The following SMCR8 variants were observed in gnomAD, a reference collection of about 807,000 sequenced individuals.
The protein encoded by SMCR8 is guanine nucleotide exchange protein SMCR8.
Under a neutral mutation model 56.6 loss-of-function variants are expected in SMCR8, and 30 were observed. The ratio of observed to expected loss-of-function variants is 0.53; its 90% CI spans 0.40 to 0.72. The LOEUF is 0.72. Among genes scored for constraint, SMCR8 ranks in the 30% least tolerant of loss-of-function variants. The probability of loss-of-function intolerance (pLI) is 0.00; values close to 1 mark genes in which losing one functional copy is unlikely to be tolerated. For missense variants in SMCR8, 1,198 were observed against 1,157.0 expected (o/e 1.04, Z -0.51); for synonymous variants, 538 against 456.0 (o/e 1.18, Z -2.29).
In SMCR8 at chr17:18,317,891, G is replaced by C. The variant is rs1261736926; in HGVS notation, c.2102G>C (p.Arg701Thr). The C allele has an allele frequency of 6.2e-7, 1 of 1,614,166 alleles. No homozygotes were observed. The highest frequency in any genetic ancestry group is 8.5e-7 in the Non-Finnish European group (1 of 1,180,024). The change falls in exon 1 of 2, where the codon AGG (arginine) becomes ACG (threonine). Residue 701 changes from arginine to threonine, a missense_variant. By Grantham distance (71) the Arg-to-Thr change is moderately conservative. Transcript: ENST00000406438. Reference protein sequence around the residue: ...SAYPAGLSSDRHKKRAGQNAL... With the variant: ...SAYPAGLSSDTHKKRAGQNAL... ...TATCCTGCTGGCCTGTCTTCCGATA[G>C]GCATAAAAAGAGGGCTGGCCAGAAC... is the stretch of plus-strand genomic sequence containing the variant.
chr17:18,321,022 G>A (rs890602955), intron 1 of SMCR8, among the ~76,000 whole-genome samples: 1 of 152,214 alleles, frequency 6.6e-6, no homozygotes, highest in Non-Finnish European at 1.5e-5. Context: ...TGCAGGACAA[G>A]AGTTCTAGGT....
chr17:18,318,961 T>C (rs1013411350), intron 1 of SMCR8, among the ~76,000 whole-genome samples: 1 of 152,200 alleles, frequency 6.6e-6, no homozygotes, highest in Non-Finnish European at 1.5e-5. Context: ...GCCTCCAGCA[T>C]CCTACACAGG....
At position 18,322,965 on chromosome 17, in the gene SMCR8, G is replaced by A; in HGVS notation, c.2709G>A (p.Gln903=). ...GLVNEDVRVV[Q]YLAELLKLHY... ...TGAATGAGGATGTTAGGGTGGTCCAGTACCTGGCTGAGCTGCTGAAGCTGC... is the reference window on the plus strand; with the variant it reads ...TGAATGAGGATGTTAGGGTGGTCCAATACCTGGCTGAGCTGCTGAAGCTGC... Residue 903 remains glutamine, a synonymous_variant, in exon 2 of 2, where the codon CAG becomes CAA. Coordinates refer to ENST00000406438, the MANE Select transcript of SMCR8 (RefSeq NM_144775.3). 6.2e-7 allele frequency: 1 copy of A among 1,614,238 alleles called. No homozygotes were observed. The highest frequency in any genetic ancestry group is 1.7e-5 in the Admixed American group (1 of 60,032).
chr17:18,318,050 TC>T lies in SMCR8; in HGVS notation c.2265del (p.Ser756AlafsTer9), dbSNP rs1982385767. On this transcript the variant is annotated frameshift_variant, in exon 1 of 2. Coordinates refer to ENST00000406438, the MANE Select transcript of SMCR8 (RefSeq NM_144775.3). LOFTEE classifies it high-confidence loss of function. ...CTCGTGACTGCACTGGCTATCTTTG[TC>T]CCCAGCTATGGCTGCTACGCTAAGC... is the stretch of plus-strand genomic sequence containing the variant. ...RKLVTALAIF[V>X]PSYGCYAKPV... 1.2e-6 allele frequency: 2 copies of T among 1,614,254 alleles called. No individual in the cohort carries two copies. Among genetic ancestry groups the T allele is most frequent in the Non-Finnish European group, 1.7e-6 (2 of 1,180,054 alleles).
Position 18,323,064 on chromosome 17 carries a change from A to C in SMCR8, c.2808A>C (p.Lys936Asn). 1 of 1,612,156 alleles carries C rather than the reference A, an allele frequency of 6.2e-7. No homozygotes were observed. The highest frequency in any genetic ancestry group is 1.1e-5 in the South Asian group (1 of 90,958). ...ACTATGTCCCCAGCTTTTTGTATAA[A>C]ATCTGAGGTCGGTCCCAGACACTGT... Reference protein sequence around the residue: ...RFDYVPSFLYKI With the variant: ...RFDYVPSFLYNI Residue 936 changes from lysine (K) to asparagine (N), a missense_variant, in exon 2 of 2, where the codon AAA (lysine) becomes AAC (asparagine). Lys to Asn is a moderately conservative substitution (Grantham distance 94). Transcript: ENST00000406438.
At chr17:18,320,863 C>T (rs373375240) in intron 1 of SMCR8, among the ~76,000 whole-genome samples, 12 of 152,328 alleles carry the variant, frequency 7.9e-5, no homozygotes, top group African/African-American at 2.9e-4. Flanking sequence ...CTAGAGCCCA[C>T]GCTGCTTCTG....
rs745729802 is a variant in SMCR8 at position 18,315,999 on chromosome 17, A to G, written c.210A>G (p.Gln70=). The G allele has an allele frequency of 5.6e-6, 9 of 1,613,884 alleles. No homozygotes were observed. The highest frequency in any genetic ancestry group is 2.2e-5 in the South Asian group (2 of 91,082). The part of the protein sequence containing the change: ...ISEFSEQVGP[Q]PLLTIPNDTK... ...AGTTCTCTGAGCAGGTGGGACCCCA[A>G]CCCTTACTGACCATCCCCAATGACA... Residue 70 remains glutamine, a synonymous_variant, in exon 1 of 2, where the codon CAA becomes CAG. Coordinates refer to ENST00000406438, the MANE Select transcript of SMCR8 (RefSeq NM_144775.3).
At chr17:18,321,156 G>C (rs1459683912) in intron 1 of SMCR8, among the ~76,000 whole-genome samples, 1 of 152,190 alleles carries the variant, frequency 6.6e-6, no homozygotes, top group East Asian at 1.9e-4. Context: ...GAGTACCTTG[G>C]TCCCAAGTCA....
intron 1 of SMCR8, among the ~76,000 whole-genome samples, chr17:18,321,183 C>A (rs1490327742): frequency 6.6e-6 from 1 of 152,228 alleles, no homozygotes; most frequent in Non-Finnish European, 1.5e-5. Context: ...GTCCTTCTTA[C>A]ACCATACCTG....
Position 18,323,112 on chromosome 17 carries a change from T to C in SMCR8, c.*42T>C. 6.4e-7 allele frequency: 1 copy of C among 1,556,022 alleles called. No homozygotes were observed. The highest frequency in any genetic ancestry group is 8.8e-7 in the Non-Finnish European group (1 of 1,139,180). ...TGTGACCAAGACCTGTGACTCAGGG[T>C]ATGGGGAGGGGAGGGGTTGGCATGA... On this transcript the variant is annotated 3_prime_UTR_variant, in exon 2 of 2. Coordinates refer to ENST00000406438, the MANE Select transcript of SMCR8 (RefSeq NM_144775.3).
In SMCR8 at chr17:18,315,432, G is replaced by T; in HGVS notation, c.-358G>T. ...GCGGCGTCCCGTAGCCTCGCGTTAA[G>T]CCTTGTTCAGAGCGGGGGCTTTTGC... On this transcript the variant is annotated 5_prime_UTR_variant, in exon 1 of 2. Transcript: ENST00000406438. 1 of 202,966 alleles carries T rather than the reference G, an allele frequency of 4.9e-6. No individual in the cohort carries two copies. The highest frequency in any genetic ancestry group is 1.0e-5 in the Non-Finnish European group (1 of 98,712). The allele number at this position is 202,966 out of a possible 1,614,324, so 12.6% of individuals were successfully genotyped here. A position where few individuals can be genotyped will look rare whatever the true frequency, so the allele number is the denominator to read the frequency against.
intron 1 of SMCR8, among the ~76,000 whole-genome samples, chr17:18,321,061 G>C (rs907535142): frequency 5.3e-5 from 8 of 152,192 alleles, no homozygotes; most frequent in Non-Finnish European, 1.0e-4. Flanking sequence ...TAGCTCCCAG[G>C]TCAATGTTGG....
In SMCR8 at chr17:18,323,970, G is replaced by C. The variant is rs1471470040; in HGVS notation, c.*900G>C. 1.3e-5 allele frequency: 2 copies of C among 152,456 alleles called. No individual in the cohort carries two copies. Among genetic ancestry groups the C allele is most frequent in the Non-Finnish European group, 2.9e-5 (2 of 68,226 alleles). The allele number at this position is 152,456 out of a possible 1,614,324, so 9.4% of individuals were successfully genotyped here. On this transcript the variant is annotated 3_prime_UTR_variant, in exon 2 of 2. Transcript: ENST00000406438. ...CTGGGTGGCCCACTGGCTCCTGCCGGCCAGAGCGCATGAGCACTGACCTTC... is the reference window on the plus strand; with the variant it reads ...CTGGGTGGCCCACTGGCTCCTGCCGCCCAGAGCGCATGAGCACTGACCTTC...
In SMCR8 at chr17:18,316,553, C is replaced by T; in HGVS notation, c.764C>T (p.Ser255Leu). 1 of 1,614,208 alleles carries T rather than the reference C, an allele frequency of 6.2e-7. No homozygotes were observed. Among genetic ancestry groups the T allele is most frequent in the Middle Eastern group, 1.6e-4 (1 of 6,062 alleles). ...CAAGACCTGCTGAAGCAGATCCGCTCATACCCTCATCGGAAGTTGAAGGGG... is the reference window on the plus strand; with the variant it reads ...CAAGACCTGCTGAAGCAGATCCGCTTATACCCTCATCGGAAGTTGAAGGGG... ...EHQDLLKQIRSYPHRKLKGHD... is the reference protein window; with the variant it reads ...EHQDLLKQIRLYPHRKLKGHD... Residue 255 changes from serine (S) to leucine (L), a missense_variant, in exon 1 of 2, where the codon TCA becomes TTA. By Grantham distance (145) the Ser-to-Leu change is moderately radical. Transcript: ENST00000406438.
Position 18,316,426 on chromosome 17 carries a change from A to G in SMCR8, c.637A>G (p.Thr213Ala). ...CACCAGGACAGTGCTACACACAGAA[A>G]CGGAGATCCAGAAGAAAGCCAACGA... ...DYTRTVLHTE[T>A]EIQKKANDKG... Residue 213 changes from threonine to alanine, a missense_variant, in exon 1 of 2, where the codon ACG (threonine) becomes GCG (alanine). Transcript: ENST00000406438. 1.9e-6 allele frequency: 3 copies of G among 1,614,180 alleles called. No individual in the cohort carries two copies. The highest frequency in any genetic ancestry group is 2.5e-6 in the Non-Finnish European group (3 of 1,180,038).
chr17:18,315,788 A>G lies in SMCR8; in HGVS notation c.-2A>G, dbSNP rs1370395919. The G allele has an allele frequency of 2.5e-6, 4 of 1,574,996 alleles. No homozygotes were observed. Among genetic ancestry groups the G allele is most frequent in the South Asian group, 1.1e-5 (1 of 87,488 alleles). The stretch of plus-strand genomic sequence containing the variant: ...CAATGTTTTCTTCATATATCTGGAA[A>G]TATGATCAGCGCCCCTGACGTAGTG... On this transcript the variant is annotated 5_prime_UTR_variant, in exon 1 of 2. Coordinates refer to ENST00000406438, the MANE Select transcript of SMCR8 (RefSeq NM_144775.3).
In SMCR8 at chr17:18,326,978, CAG is replaced by C. The variant is rs1167657243; in HGVS notation, c.*3909_*3910del. Reference sequence around the variant, plus strand: ...CCACCTCCCTGAAAAGCACAGAAGACAGTGCCTTGGTTTGTGTTTTGAAGCAA... The same window carrying C: ...CCACCTCCCTGAAAAGCACAGAAGACTGCCTTGGTTTGTGTTTTGAAGCAA... On this transcript the variant is annotated 3_prime_UTR_variant, in exon 2 of 2. Transcript: ENST00000406438. The C allele has an allele frequency of 6.6e-6, 1 of 152,650 alleles. No homozygotes were observed. Among genetic ancestry groups the C allele is most frequent in the African/African-American group, 2.4e-5 (1 of 41,470 alleles). 9.5% of individuals were successfully genotyped at this position (152,650 alleles called of 1,614,324 possible). A position where few individuals can be genotyped will look rare whatever the true frequency, so the allele number is the denominator to read the frequency against.
In SMCR8 at chr17:18,315,928, A is replaced by C; in HGVS notation, c.139A>C (p.Lys47Gln). ...CAGTCAGGGTGCTAACCCCTGGTCA[A>C]AACTGTCCGGGGCCAAGTTTTCGAG... ...FASQGANPWSKLSGAKFSRDF... is the reference protein window; with the variant it reads ...FASQGANPWSQLSGAKFSRDF... Residue 47 changes from lysine (K) to glutamine (Q), a missense_variant, in exon 1 of 2, where the codon AAA (lysine) becomes CAA (glutamine). Lys to Gln is a moderately conservative substitution (Grantham distance 53, BLOSUM62 1). Transcript: ENST00000406438. 1 of 1,614,140 alleles carries C rather than the reference A, an allele frequency of 6.2e-7. No individual in the cohort carries two copies. Among genetic ancestry groups the C allele is most frequent in the Non-Finnish European group, 8.5e-7 (1 of 1,180,020 alleles).
chr17:18,316,011 C>G lies in SMCR8; in HGVS notation c.222C>G (p.Thr74=). The G allele has an allele frequency of 6.2e-7, 1 of 1,614,104 alleles. No homozygotes were observed. The highest frequency in any genetic ancestry group is 8.5e-7 in the Non-Finnish European group (1 of 1,180,012). ...SEQVGPQPLL[T]IPNDTKVFGT... Reference sequence around the variant, plus strand: ...AGGTGGGACCCCAACCCTTACTGACCATCCCCAATGACACCAAAGTTTTTG... The same window carrying G: ...AGGTGGGACCCCAACCCTTACTGACGATCCCCAATGACACCAAAGTTTTTG... Residue 74 remains threonine, a synonymous_variant, in exon 1 of 2, where the codon ACC becomes ACG. Coordinates refer to ENST00000406438, the MANE Select transcript of SMCR8 (RefSeq NM_144775.3).
Sources: allele counts gnomAD v4.1 joint callset (sites outside exome capture counted in the v4.1 genomes callset), GRCh38; gene constraint gnomAD v4.1.1; transcripts MANE v1.5; gene names NCBI Gene and HGNC (gene_info 2026-07-23, HGNC 2026-07-21).